Variants in DGKI observed in about 807,000 individuals in gnomAD.
The protein encoded by DGKI is diacylglycerol kinase iota.
Under a neutral mutation model 147.5 loss-of-function variants are expected in DGKI, and 55 were observed. The ratio of observed to expected loss-of-function variants is 0.37; its 90% CI spans 0.30 to 0.47. The LOEUF (loss-of-function observed/expected upper bound fraction) is 0.47, where lower values mean the gene tolerates loss of function less well. Ranked by LOEUF, DGKI falls within the 20% of genes least tolerant of loss-of-function variation. The probability of loss-of-function intolerance (pLI) is 1.00; values close to 1 mark genes in which losing one functional copy is unlikely to be tolerated. For missense variants in DGKI, 1,007 were observed against 1,323.8 expected (o/e 0.76, Z 3.71); for synonymous variants, 469 against 477.1 (o/e 0.98, Z 0.22).
intron 23 of DGKI, among the ~76,000 whole-genome samples, chr7:137,476,278 G>T (rs1038037970): frequency 1.3e-5 from 2 of 152,122 alleles, no homozygotes; most frequent in African/African-American, 4.8e-5. Context: ...CGGACAAGCT[G>T]TCAAAAAATC....
In DGKI at chr7:137,846,729, G is replaced by A; in HGVS notation, c.134C>T (p.Ser45Phe). The A allele has an allele frequency of 2.0e-6, 2 of 1,015,816 alleles. No homozygotes were observed. Among genetic ancestry groups the A allele is most frequent in the South Asian group, 4.3e-5 (1 of 23,518 alleles). The allele number at this position is 1,015,816 out of a possible 1,614,324, so 62.9% of individuals were successfully genotyped here. Reference protein sequence around the residue: ...GPCSGAACAPSAAAGAGAMNP... With the variant: ...GPCSGAACAPFAAAGAGAMNP... ...CATGGCGCCCGCTCCGGCGGCCGCG[G>A]AGGGAGCGCAGGCGGCGCCGCTGCA... The change falls in exon 1 of 33, where the codon TCC becomes TTC. Residue 45 changes from serine (S) to phenylalanine (F), a missense_variant. Ser to Phe is a radical substitution (Grantham distance 155, BLOSUM62 -2). This residue lies in a region of DGKI where 137 missense variants were observed against 114.4 expected (regional missense o/e 1.20). Coordinates refer to ENST00000614521, the MANE Select transcript of DGKI (RefSeq NM_001321708.2). This position sits in a 1 kb window ranked among gnomAD's most constrained non-coding sequence, Gnocchi z 4.0.
At chr7:137,703,237 C>T (rs1332459818) in intron 1 of DGKI, among the ~76,000 whole-genome samples, 2 of 152,190 alleles carry the variant, frequency 1.3e-5, no homozygotes, top group Non-Finnish European at 2.9e-5. Context: ...AAGTGCCATA[C>T]ACTTTTAAAC....
intron 1 of DGKI, among the ~76,000 whole-genome samples, chr7:137,755,039 G>A (rs145355398): frequency 3.9e-4 from 59 of 151,988 alleles, no homozygotes; most frequent in African/African-American, 1.4e-3. Flanking sequence ...TTGCTCTCAG[G>A]GGCATATCTG....
At chr7:137,646,917 C>A (rs1821845445) in intron 5 of DGKI, among the ~76,000 whole-genome samples, 1 of 152,072 alleles carries the variant, frequency 6.6e-6, no homozygotes, top group Admixed American at 6.6e-5. Context: ...ACCTCTATTT[C>A]TCTTAATAAT....
rs796875079 is a variant in DGKI, at chr7:137,507,995, A to G, written c.2248+13871T>C. Among the ~76,000 whole-genome samples, 3 of 152,172 alleles carry G rather than the reference A, an allele frequency of 2.0e-5. No individual in the cohort carries two copies. The South Asian group carries it at 6.2e-4, about 32-fold the overall frequency. ...CTCTAAGGAACCACAGCATGAAAAG[A>G]AGAAAAGGAAATGTTCAGGAATTAG... On this transcript the variant is annotated intron_variant, in intron 21 of 32. Coordinates refer to ENST00000614521, the MANE Select transcript of DGKI (RefSeq NM_001321708.2).
intron 1 of DGKI, among the ~76,000 whole-genome samples, chr7:137,753,825 A>G (rs1300209998): frequency 6.6e-6 from 1 of 152,152 alleles, no homozygotes; most frequent in East Asian, 1.9e-4. Flanking sequence ...TCATCGTTAG[A>G]GCAGCTTTGA....
At chr7:137,808,164 A>G (rs1797440538) in intron 1 of DGKI, among the ~76,000 whole-genome samples, 2 of 152,208 alleles carry the variant, frequency 1.3e-5, no homozygotes, top group Non-Finnish European at 2.9e-5. Context: ...TAATCTCCAC[A>G]GCAACCAATA....
chr7:137,590,828 G>A (rs1463898602), intron 12 of DGKI, among the ~76,000 whole-genome samples: 1 of 152,176 alleles, frequency 6.6e-6, no homozygotes, highest in Admixed American at 6.5e-5. Flanking sequence ...GAGCAGCTGG[G>A]ACCACAGGTG....
chr7:137,790,949 C>A (rs1201087830), intron 1 of DGKI, among the ~76,000 whole-genome samples: 1 of 152,162 alleles, frequency 6.6e-6, no homozygotes, highest in Non-Finnish European at 1.5e-5. Flanking sequence ...AGAGGCACCA[C>A]TGGGGTCAGT....
At chr7:137,623,633 A>C in intron 6 of DGKI, 79 bp from the exon 7 acceptor site, 1 of 1,293,276 alleles carries the variant, frequency 7.7e-7, no homozygotes, top group Non-Finnish European at 1.1e-6. Flanking sequence ...AAGTGCAATG[A>C]CGTGAATAAG....
At chr7:137,711,341 CTCAAATG>C (rs1794206653) in intron 1 of DGKI, among the ~76,000 whole-genome samples, 1 of 152,004 alleles carries the variant, frequency 6.6e-6, no homozygotes, top group African/African-American at 2.4e-5. Context: ...ATAAAGGCAA[CTCAAATG>C]TCAGATGAAA....
At chr7:137,697,210 G>C (rs1057279527) in intron 1 of DGKI, among the ~76,000 whole-genome samples, 4 of 152,184 alleles carry the variant, frequency 2.6e-5, no homozygotes, top group Admixed American at 1.3e-4. Context: ...CCCAAAGTTT[G>C]AATTTAGCAT....
chr7:137,559,282 G>A (rs937784544), intron 19 of DGKI, among the ~76,000 whole-genome samples: 5 of 150,604 alleles, frequency 3.3e-5, no homozygotes, highest in African/African-American at 4.9e-5. Flanking sequence ...CGTTATAGCC[G>A]GGATGGTCTC....
At chr7:137,401,355 G>C (rs1322619871) in intron 30 of DGKI, among the ~76,000 whole-genome samples, 3 of 150,408 alleles carry the variant, frequency 2.0e-5, no homozygotes, top group African/African-American at 7.4e-5. Context: ...AACATAGCAA[G>C]ACCCCAACTC....
At chr7:137,451,545 A>G (rs1328148355) in intron 27 of DGKI, among the ~76,000 whole-genome samples, 3 of 152,214 alleles carry the variant, frequency 2.0e-5, no homozygotes, top group South Asian at 4.1e-4. Flanking sequence ...TCTACCAGCA[A>G]AAGAGCAATA....
At chr7:137,478,814 C>T (rs1474765771) in intron 23 of DGKI, among the ~76,000 whole-genome samples, 1 of 152,138 alleles carries the variant, frequency 6.6e-6, no homozygotes, top group Admixed American at 6.5e-5. Flanking sequence ...ATGTTCTCAT[C>T]ACTACACAAG....
intron 6 of DGKI, among the ~76,000 whole-genome samples, chr7:137,629,844 T>G (rs1585304983): frequency 6.6e-6 from 1 of 152,294 alleles, no homozygotes; most frequent in East Asian, 1.9e-4. Context: ...ATTAGGCTGG[T>G]TTGATAATAT....
At chr7:137,576,033 TTTTC>T (rs1255721802) in intron 17 of DGKI, among the ~76,000 whole-genome samples, 9 of 146,062 alleles carry the variant, frequency 6.2e-5, no homozygotes, top group African/African-American at 8.1e-5. Context: ...AAATTAATCT[TTTTC>T]TTTTTCTTTT....
At chr7:137,450,132 C>T (rs1053722651) in intron 27 of DGKI, among the ~76,000 whole-genome samples, 26 of 152,120 alleles carry the variant, frequency 1.7e-4, no homozygotes, top group African/African-American at 6.0e-4. Context: ...TGGGGCATTT[C>T]GGGGTGAGGG....
Sources: allele counts gnomAD v4.1 joint callset (sites outside exome capture counted in the v4.1 genomes callset), GRCh38; gene constraint gnomAD v4.1.1; regional missense constraint gnomAD v4.1.1; non-coding constraint Gnocchi (gnomAD v3.1); transcripts MANE v1.5; gene names NCBI Gene and HGNC (gene_info 2026-07-23, HGNC 2026-07-21).